The following ARID3A variants were observed in gnomAD, a reference collection of about 807,000 sequenced individuals.
ARID3A encodes the protein AT-rich interactive domain-containing protein 3A.
Under a neutral mutation model 52.7 loss-of-function variants are expected in ARID3A, and 11 were observed. The ratio of observed to expected loss-of-function variants is 0.21; its 90% confidence interval spans 0.13 to 0.35. The LOEUF (loss-of-function observed/expected upper bound fraction) is 0.35, where lower values mean the gene tolerates loss of function less well. ARID3A is among the 10% of genes least tolerant of loss of function. The pLI, the probability that ARID3A is intolerant of heterozygous loss-of-function variation, is 1.00. For synonymous variants in ARID3A, 404 were observed against 359.4 expected (o/e 1.12, Z -1.40); for missense variants, 721 against 838.5 (o/e 0.86, Z 1.73).
At chr19:926,220 C>T (rs113450574) in intron 1 of ARID3A, among the ~76,000 whole-genome samples, 161 bp downstream of exon 1, 4,407 of 151,602 alleles carry the variant, frequency 0.029, 214 homozygotes, top group African/African-American at 0.099. Flanking sequence ...AGCGCGCTGG[C>T]CGTTCCCAGC....
Position 932,679 on chromosome 19 carries a change from C to T in ARID3A, c.630C>T (p.His210=), listed in dbSNP as rs1019189702. 47 of 1,546,272 alleles carry T rather than the reference C, an allele frequency of 3.0e-5. No individual in the cohort carries two copies. The highest frequency in any genetic ancestry group is 2.2e-4 in the Middle Eastern group (1 of 4,634). ...PGPAHPGGAA[H]VAPQLQPPDH... is the part of the protein sequence containing the mutation. ...CTGCCCACCCCGGAGGGGCCGCCCA[C>T]GTAGCCCCGCAGCTGCAGCCGCCTG... The change falls in exon 3 of 9, where the codon CAC becomes CAT. Residue 210 remains histidine, a synonymous_variant. Transcript: ENST00000263620.
chr19:954,864 G>C (rs2037884052), intron 3 of ARID3A, among the ~76,000 whole-genome samples: 1 of 152,162 alleles, frequency 6.6e-6, no homozygotes, highest in Non-Finnish European at 1.5e-5. Flanking sequence ...GGCACCTTCA[G>C]AACTTCACAC....
intron 2 of ARID3A, 98 bp from the exon 3 acceptor site, chr19:932,320 C>G: frequency 6.4e-7 from 1 of 1,550,498 alleles, no homozygotes; most frequent in Non-Finnish European, 8.6e-7. Flanking sequence ...TTCCTATTTC[C>G]AGAGAGGGAA....
At chr19:933,486 C>T (rs916062698) in intron 3 of ARID3A, among the ~76,000 whole-genome samples, 3 of 152,176 alleles carry the variant, frequency 2.0e-5, no homozygotes, top group Non-Finnish European at 2.9e-5. Context: ...GGCTCTGCCT[C>T]GACCTCTGGG....
intron 1 of ARID3A, chr19:928,369 C>T (rs1464549876): frequency 6.6e-6 from 1 of 152,046 alleles, no homozygotes; most frequent in Admixed American, 6.5e-5. Context: ...GTTCTTCACC[C>T]AGGCCATTAG....
Position 974,488 on chromosome 19 carries a change from GC to G in ARID3A, c.*2427del. The G allele has an allele frequency of 4.3e-6, 1 of 230,884 alleles. No homozygotes were observed. Among genetic ancestry groups the G allele is most frequent in the Non-Finnish European group, 8.6e-6 (1 of 116,530 alleles). The allele number at this position is 230,884 out of a possible 1,614,324, so 14.3% of individuals were successfully genotyped here. On this transcript the variant is annotated 3_prime_UTR_variant, in exon 9 of 9. Coordinates refer to ENST00000263620, the MANE Select transcript of ARID3A (RefSeq NM_005224.3). The stretch of plus-strand genomic sequence containing the variant: ...CCCGGGACCCCCGTCCCACGCCTGG[GC>G]CCCGCGCCGGGGGAAGCGCCTGCTG...
At chr19:935,179 G>A (rs569938128) in intron 3 of ARID3A, among the ~76,000 whole-genome samples, 22 of 152,340 alleles carry the variant, frequency 1.4e-4, no homozygotes, top group African/African-American at 5.3e-4. Flanking sequence ...CAGGGCTCGG[G>A]GCTAACTTCC....
chr19:946,814 G>T (rs2037694759), intron 3 of ARID3A, among the ~76,000 whole-genome samples: 1 of 151,768 alleles, frequency 6.6e-6, no homozygotes, highest in African/African-American at 2.4e-5. Context: ...GTGTGTGTGT[G>T]ACAGGGTCTC....
At chr19:930,776 T>C (rs942365696) in intron 2 of ARID3A, among the ~76,000 whole-genome samples, 7 of 151,280 alleles carry the variant, frequency 4.6e-5, no homozygotes, top group African/African-American at 1.7e-4. Flanking sequence ...CCCAAAGTGC[T>C]GGGATTACAG....
chr19:943,294 C>T (rs960884724), intron 3 of ARID3A, among the ~76,000 whole-genome samples: 6 of 150,542 alleles, frequency 4.0e-5, no homozygotes, highest in Non-Finnish European at 7.4e-5. Context: ...AGGACGGGCG[C>T]GCAGTGTCTC....
chr19:974,180 T>G lies in ARID3A; in HGVS notation c.*2115T>G, dbSNP rs1487591639. On this transcript the variant is annotated 3_prime_UTR_variant, in exon 9 of 9. Coordinates refer to ENST00000263620, the MANE Select transcript of ARID3A (RefSeq NM_005224.3). The stretch of plus-strand genomic sequence containing the variant: ...GGCTTCTGAGCCCCTGAGTCTAGGT[T>G]CACTTTCCCGTCGGGCTGTGGGAGG... The G allele has an allele frequency of 8.9e-6, 2 of 223,988 alleles. No individual in the cohort carries two copies. The highest frequency in any genetic ancestry group is 4.5e-5 in the African/African-American group (2 of 44,644). 13.9% of individuals were successfully genotyped at this position (223,988 alleles called of 1,614,324 possible). A position where few individuals can be genotyped will look rare whatever the true frequency, so the allele number is the denominator to read the frequency against.
chr19:968,590 T>A, intron 8 of ARID3A, 87 bp downstream of exon 8: 1 of 1,291,228 alleles, frequency 7.7e-7, no homozygotes, highest in Non-Finnish European at 1.1e-6. Flanking sequence ...TGGTCCCACC[T>A]GCTTGAACCT....
chr19:953,445 C>T (rs913646970), intron 3 of ARID3A, among the ~76,000 whole-genome samples: 8 of 151,838 alleles, frequency 5.3e-5, no homozygotes, highest in Admixed American at 1.3e-4. Flanking sequence ...CAGGTGGGGG[C>T]GGCACCTCCC....
At chr19:946,095 G>A (rs570445837) in intron 3 of ARID3A, among the ~76,000 whole-genome samples, 1 of 152,308 alleles carries the variant, frequency 6.6e-6, no homozygotes, top group East Asian at 1.9e-4. Context: ...GGGAGCATGA[G>A]GGCGTATTGT....
Position 932,423 on chromosome 19 carries a change from C to T in ARID3A, c.374C>T (p.Pro125Leu). Residue 125 changes from proline to leucine, a missense_variant, in exon 3 of 9, where the codon CCC becomes CTC. By Grantham distance (98) the Pro-to-Leu change is moderately conservative. Around this residue, in one of 5 missense-constraint regions of ARID3A, gnomAD observed 349 missense variants for 297.3 expected, o/e 1.17. Transcript: ENST00000263620. ...EDMASDEDMK[P>L]KWEEEEMEED... ...CTGCCCTCTGCTCACCCCAGGAAGCCCAAATGGGAGGAGGAGGAGATGGAG... is the reference window on the plus strand; with the variant it reads ...CTGCCCTCTGCTCACCCCAGGAAGCTCAAATGGGAGGAGGAGGAGATGGAG... 1 of 1,593,564 alleles carries T rather than the reference C, an allele frequency of 6.3e-7. No homozygotes were observed. Among genetic ancestry groups the T allele is most frequent in the Non-Finnish European group, 8.5e-7 (1 of 1,174,850 alleles).
In ARID3A at chr19:945,419, C is replaced by G. The variant is rs115679613; in HGVS notation, c.693+12677C>G. The stretch of plus-strand genomic sequence containing the variant: ...CTGACCCAGCCCACCTCCGTCTGCT[C>G]CCTAGCGGGGAGGTGTCCAGGGCGG... On this transcript the variant is annotated intron_variant, in intron 3 of 8. Coordinates refer to ENST00000263620, the MANE Select transcript of ARID3A (RefSeq NM_005224.3). Among the ~76,000 whole-genome samples, 1,293 of 151,944 alleles carry G rather than the reference C, an allele frequency of 8.5e-3. 21 individuals carry two copies. The highest frequency in any genetic ancestry group is 0.03 in the African/African-American group (1,238 of 41,498).
chr19:952,594 A>T (rs1029452415), intron 3 of ARID3A, among the ~76,000 whole-genome samples: 2 of 151,836 alleles, frequency 1.3e-5, no homozygotes, highest in Non-Finnish European at 1.5e-5. Context: ...AGACACTTGG[A>T]TTCTTTCTTG....
In ARID3A at chr19:960,234, C is replaced by A. The variant is rs1320431538; in HGVS notation, c.766+70C>A. On this transcript the variant is annotated intron_variant, in intron 4 of 8. Transcript: ENST00000263620. This position sits in a 1 kb window ranked among gnomAD's most constrained non-coding sequence, Gnocchi z 4.3. ...AGGGCTGTAGGAGGGGCCCTACTGG[C>A]TCCAGGTATGTCGGGGCGGTGGTGA... 1 of 1,436,558 alleles carries A rather than the reference C, an allele frequency of 7.0e-7. No homozygotes were observed. The allele number at this position is 1,436,558 out of a possible 1,614,324, so 89.0% of individuals were successfully genotyped here. A position where few individuals can be genotyped will look rare whatever the true frequency, so the allele number is the denominator to read the frequency against.
rs1036909099 is a variant in ARID3A, at chr19:972,895, G to A, written c.*830G>A. 23 of 195,362 alleles carry A rather than the reference G, an allele frequency of 1.2e-4. No homozygotes were observed. Among genetic ancestry groups the A allele is most frequent in the African/African-American group, 5.4e-4 (23 of 42,592 alleles). 12.1% of individuals were successfully genotyped at this position (195,362 alleles called of 1,614,324 possible). On this transcript the variant is annotated 3_prime_UTR_variant, in exon 9 of 9. Transcript: ENST00000263620. ...TTTGTCCATTTCTGGGGGTGCGTTG[G>A]GCAGCTGTGAGCCCAGCACATCGGA...
Sources: gnomAD v4.1 joint callset for allele counts (sites outside exome capture counted in the v4.1 genomes callset) on GRCh38, gnomAD v4.1.1 for gene constraint, gnomAD v4.1.1 regional missense constraint, Gnocchi (gnomAD v3.1) non-coding constraint, MANE v1.5 for transcripts, NCBI Gene and HGNC (gene_info 2026-07-23, HGNC 2026-07-21) for gene names.